Variants in FRMD4A observed in about 807,000 individuals in gnomAD.
FRMD4A encodes FERM domain containing 4A.
A neutral mutation model predicts 129.1 loss-of-function variants in FRMD4A; 29 were observed. The ratio of observed to expected loss-of-function variants is 0.22; its 90% CI spans 0.17 to 0.31. The LOEUF (loss-of-function observed/expected upper bound fraction) is 0.31, where lower values mean the gene tolerates loss of function less well. Ranked by LOEUF, FRMD4A falls within the 10% of genes least tolerant of loss-of-function variation. The probability of loss-of-function intolerance (pLI) is 1.00; values close to 1 mark genes in which losing one functional copy is unlikely to be tolerated. For missense variants in FRMD4A, 1,272 were observed against 1,375.8 expected, an observed-to-expected ratio of 0.92 and a Z score of 1.19; for synonymous variants, 634 against 571.6, an observed-to-expected ratio of 1.11 and a Z score of -1.56.
At chr10:14,166,598 A>AC (rs1440311427) in intron 2 of FRMD4A, among the ~76,000 whole-genome samples, 2 of 152,188 alleles carry the variant, frequency 1.3e-5, no homozygotes, top group Non-Finnish European at 2.9e-5. Context: ...GTCAATGTTC[A>AC]CCTCCAGTTA....
At chr10:14,192,476 G>A (rs537261488) in intron 2 of FRMD4A, among the ~76,000 whole-genome samples, 124 of 152,316 alleles carry the variant, frequency 8.1e-4, no homozygotes, top group African/African-American at 2.9e-3. Context: ...TGTTACAGTG[G>A]TGCACTGTTG....
chr10:13,695,004 T>G (rs1260683145), intron 14 of FRMD4A, among the ~76,000 whole-genome samples: 2 of 152,196 alleles, frequency 1.3e-5, no homozygotes, highest in Admixed American at 6.5e-5. Context: ...GTTGCCCTAG[T>G]CTTCCTATTA....
intron 2 of FRMD4A, among the ~76,000 whole-genome samples, chr10:14,087,947 AATT>A (rs1437819483): frequency 2.0e-5 from 3 of 152,124 alleles, no homozygotes; most frequent in Non-Finnish European, 2.9e-5. Flanking sequence ...CTAAAAAGCA[AATT>A]ATTATCGGGG....
rs571939047 is a variant in FRMD4A at position 14,185,515 on chromosome 10, GGTTT to G, written c.45+144539_45+144542del. On this transcript the variant is annotated intron_variant, in intron 2 of 24. Coordinates refer to ENST00000357447, the MANE Select transcript of FRMD4A (RefSeq NM_018027.5). Reference sequence around the variant, plus strand: ...TTTCTAACTTCAAGTATTTTTTGGAGGTTTGTTGTAGAACTATGGAAACTTGAAA... The same window carrying G: ...TTTCTAACTTCAAGTATTTTTTGGAGGTTGTAGAACTATGGAAACTTGAAA... 9.1e-3 allele frequency among the ~76,000 whole-genome samples: 1,382 copies of G among 152,280 alleles called. 9 individuals carry two copies. Among genetic ancestry groups the G allele is most frequent in the Middle Eastern group, 0.027 (8 of 294 alleles).
intron 2 of FRMD4A, among the ~76,000 whole-genome samples, chr10:13,968,474 C>T (rs116014815): frequency 0.016 from 2,413 of 152,282 alleles, 68 homozygotes; most frequent in African/African-American, 0.054. Context: ...TTTTTTGAGA[C>T]GTAGTCTCAC....
rs374011392 is a variant in FRMD4A, at chr10:13,644,398, G to A, written c.*2640C>T. On this transcript the variant is annotated 3_prime_UTR_variant, in exon 25 of 25. Coordinates refer to ENST00000357447, the MANE Select transcript of FRMD4A (RefSeq NM_018027.5). The stretch of plus-strand genomic sequence containing the variant: ...ATCATGTCAGTCTCAAAGGACTAAC[G>A]TTTTATGTACATTTTGTATTAACTG... 1.4e-4 allele frequency: 21 copies of A among 152,304 alleles called. No homozygotes were observed. In the East Asian group the frequency reaches 3.7e-3, roughly 27 times the overall value. The allele number at this position is 152,304 out of a possible 1,614,324, so 9.4% of individuals were successfully genotyped here. A position where few individuals can be genotyped will look rare whatever the true frequency, so the allele number is the denominator to read the frequency against.
intron 3 of FRMD4A, among the ~76,000 whole-genome samples, chr10:13,811,526 C>G (rs1211878186): frequency 6.7e-6 from 1 of 150,028 alleles, no homozygotes; most frequent in African/African-American, 2.5e-5. Flanking sequence ...GAGCCAAGAT[C>G]ACGCCACTGC....
At chr10:14,240,923 A>G (rs1844019658) in intron 2 of FRMD4A, among the ~76,000 whole-genome samples, 1 of 152,208 alleles carries the variant, frequency 6.6e-6, no homozygotes, top group Non-Finnish European at 1.5e-5. Flanking sequence ...CAAAAAAAAA[A>G]AAAAAAATTC....
rs77600652 is a variant in FRMD4A, at chr10:13,731,294, G to A, written c.759+6550C>T. Among the ~76,000 whole-genome samples the A allele has an allele frequency of 9.8e-4, 149 of 152,262 alleles. 1 individual carries two copies. In the East Asian group the frequency reaches 0.021, roughly 22 times the overall value. On this transcript the variant is annotated intron_variant, in intron 12 of 24. Coordinates refer to ENST00000357447, the MANE Select transcript of FRMD4A (RefSeq NM_018027.5). ...AAGAGGGAGGGGGAAACATCATTGG[G>A]TGAAGGACTGAAGTAGATTTACTGA... is the stretch of plus-strand genomic sequence containing the variant.
intron 14 of FRMD4A, among the ~76,000 whole-genome samples, chr10:13,700,490 C>T (rs879402206): frequency 6.6e-6 from 1 of 152,148 alleles, no homozygotes; most frequent in Non-Finnish European, 1.5e-5. Context: ...GCCCAGGGGC[C>T]CAGGGTGACC....
At chr10:13,808,197 T>C (rs933927492) in intron 4 of FRMD4A, among the ~76,000 whole-genome samples, 19 of 152,250 alleles carry the variant, frequency 1.2e-4, no homozygotes, top group African/African-American at 4.6e-4. Context: ...TTCCACGTGA[T>C]AGCCTTGTTT....
Position 13,660,512 on chromosome 10 carries a change from G to A in FRMD4A, c.1702C>T (p.Pro568Ser), listed in dbSNP as rs764429237. 7 of 1,613,636 alleles carry A rather than the reference G, an allele frequency of 4.3e-6. No homozygotes were observed. In the South Asian group the frequency reaches 4.4e-5, roughly 10 times the overall value. ...GGCCGAGGAGGGAGTCCCTTGTGAGGAGAATGTAGGGGGGATATTGTGCTG... is the reference window on the plus strand; with the variant it reads ...GGCCGAGGAGGGAGTCCCTTGTGAGAAGAATGTAGGGGGGATATTGTGCTG... ...VTSTISPLHS[P>S]HKGLPPRPPS... Residue 568 changes from proline to serine, a missense_variant, in exon 20 of 25, where the codon CCT (proline) becomes TCT (serine). By Grantham distance (74) the Pro-to-Ser change is moderately conservative. Transcript: ENST00000357447.
chr10:13,947,166 G>C (rs2095337981), intron 2 of FRMD4A, among the ~76,000 whole-genome samples: 4 of 152,178 alleles, frequency 2.6e-5, no homozygotes. Flanking sequence ...GGAAAGCGGA[G>C]ACCTGAGTGT....
At chr10:13,891,987 A>G (rs1204561858) in intron 2 of FRMD4A, among the ~76,000 whole-genome samples, 1 of 143,794 alleles carries the variant, frequency 7.0e-6, no homozygotes, top group African/African-American at 2.6e-5. Context: ...CGCCGCCGCC[A>G]CCGCCCGCCG....
chr10:13,825,862 C>G (rs12412893), intron 3 of FRMD4A, among the ~76,000 whole-genome samples: 17,436 of 152,292 alleles, frequency 0.11, 1,413 homozygotes, highest in East Asian at 0.31. Flanking sequence ...CTGCATCTAA[C>G]GGACTTGAGC....
intron 2 of FRMD4A, among the ~76,000 whole-genome samples, chr10:14,182,383 T>TA (rs923169066): frequency 6.6e-6 from 1 of 151,952 alleles, no homozygotes; most frequent in African/African-American, 2.4e-5. Context: ...CTACAAAAAA[T>TA]AAAAAATAAT....
chr10:14,094,186 G>A (rs117729515), intron 2 of FRMD4A, among the ~76,000 whole-genome samples: 2,069 of 152,330 alleles, frequency 0.014, 24 homozygotes, highest in Middle Eastern at 0.048. Flanking sequence ...AAGAACCAAG[G>A]ACTGTTCCCT....
At chr10:14,038,350 AAAAT>A (rs1368620405) in intron 2 of FRMD4A, among the ~76,000 whole-genome samples, 1 of 152,240 alleles carries the variant, frequency 6.6e-6, no homozygotes, top group African/African-American at 2.4e-5. Flanking sequence ...AAATAAAAAT[AAAAT>A]AAAGGCAATT....
intron 14 of FRMD4A, among the ~76,000 whole-genome samples, chr10:13,698,779 AG>A (rs2086486934): frequency 6.6e-6 from 1 of 152,228 alleles, no homozygotes; most frequent in Non-Finnish European, 1.5e-5. Context: ...TGGAAAACAG[AG>A]GCCTCCAATT....
Sources: gnomAD v4.1 joint callset for allele counts (sites outside exome capture counted in the v4.1 genomes callset) on GRCh38, gnomAD v4.1.1 for gene constraint, MANE v1.5 for transcripts, NCBI Gene and HGNC (gene_info 2026-07-23, HGNC 2026-07-21) for gene names.